TMCC3: variants seen among roughly 807,000 people sequenced by gnomAD.
TMCC3 encodes transmembrane and coiled-coil domain family 3, also known as transmembrane and coiled-coil domain protein 3.
In TMCC3, 28 loss-of-function variants were observed where a neutral mutation model predicts 40.2. The observed-to-expected ratio is 0.70, with a 90% CI of 0.52 to 0.95. The LOEUF is 0.95. TMCC3 is among the 40% of genes least tolerant of loss of function. TMCC3 has a pLI of 0.00. For synonymous variants in TMCC3, 255 were observed against 248.5 expected (o/e 1.03, Z -0.25); for missense variants, 554 against 615.2 (o/e 0.90, Z 1.05).
chr12:94,650,125 C>A (rs1214029299), intron 1 of TMCC3, among the ~76,000 whole-genome samples: 2 of 152,120 alleles, frequency 1.3e-5, no homozygotes, highest in Non-Finnish European at 2.9e-5. Flanking sequence ...GGGACCTGGG[C>A]GCCGTGAGGG....
At chr12:94,623,590 G>A (rs2068887250) in intron 1 of TMCC3, among the ~76,000 whole-genome samples, 1 of 152,180 alleles carries the variant, frequency 6.6e-6, no homozygotes, top group Non-Finnish European at 1.5e-5. Context: ...AAGAGAGCAC[G>A]GTGTCCATCT....
rs151064246 is a variant in TMCC3 at position 94,582,487 on chromosome 12, C to A, written c.130G>T (p.Gly44Trp). The A allele has an allele frequency of 3.7e-6, 6 of 1,613,614 alleles. No individual in the cohort carries two copies. Among genetic ancestry groups the A allele is most frequent in the Non-Finnish European group, 5.1e-6 (6 of 1,179,988 alleles). ...TLSLPLNIRRGGSDTNLNFDV... is the reference protein window; with the variant it reads ...TLSLPLNIRRWGSDTNLNFDV... ...AAGTTGAGGTTGGTGTCTGACCCCCCTCGGCGTATGTTCAGGGGCAGGCTT... is the reference window on the plus strand; with the variant it reads ...AAGTTGAGGTTGGTGTCTGACCCCCATCGGCGTATGTTCAGGGGCAGGCTT... The change falls in exon 2 of 4, where the codon GGG (glycine) becomes TGG (tryptophan). Residue 44 changes from glycine to tryptophan, a missense_variant. By Grantham distance (184) the Gly-to-Trp change is radical. Coordinates refer to ENST00000261226, the MANE Select transcript of TMCC3 (RefSeq NM_020698.4).
chr12:94,625,936 G>A lies in TMCC3; in HGVS notation c.78+24417C>T, dbSNP rs141146463. ...CCTCAGAATGTTGATAAAATCTGCT[G>A]TATTAGTCTGTTCTCACACTGCTAT... On this transcript the variant is annotated intron_variant, in intron 1 of 3. Transcript: ENST00000261226. Among the ~76,000 whole-genome samples the A allele has an allele frequency of 9.7e-4, 147 of 152,314 alleles. 1 individual carries two copies. Among genetic ancestry groups the A allele is most frequent in the African/African-American group, 3.5e-3 (145 of 41,564 alleles).
rs569409741 is a variant in TMCC3 at position 94,571,711 on chromosome 12, G to T, written c.1158C>A (p.Arg386=). Residue 386 remains arginine, a synonymous_variant, in exon 4 of 4, where the codon CGC becomes CGA. Coordinates refer to ENST00000261226, the MANE Select transcript of TMCC3 (RefSeq NM_020698.4). ...IQEALESCQT[R]ISKLELHQQE... is the part of the protein sequence containing the mutation. ...GCTGGTGGAGCTCCAGCTTAGAAAT[G>T]CGAGTCTGGCAGGATTCCAAGGCTT... The T allele has an allele frequency of 1.7e-5, 28 of 1,613,982 alleles. No individual in the cohort carries two copies. Among genetic ancestry groups the T allele is most frequent in the Non-Finnish European group, 2.4e-5 (28 of 1,180,010 alleles).
chr12:94,617,918 T>C (rs1335474719), intron 1 of TMCC3, among the ~76,000 whole-genome samples: 1 of 152,204 alleles, frequency 6.6e-6, no homozygotes, highest in Admixed American at 6.5e-5. Context: ...TAATATTGCA[T>C]AGCCTCTATC....
chr12:94,578,165 A>AAAAAAGAAAG (rs1467855760), intron 3 of TMCC3, among the ~76,000 whole-genome samples: 2 of 123,370 alleles, frequency 1.6e-5, no homozygotes, highest in Non-Finnish European at 3.2e-5. Flanking sequence ...AAAAAAAAAA[A>AAAAAAGAAAG]AAAGAAAAAG....
At chr12:94,574,015 A>G (rs2068548614) in intron 3 of TMCC3, among the ~76,000 whole-genome samples, 1 of 152,234 alleles carries the variant, frequency 6.6e-6, no homozygotes, top group African/African-American at 2.4e-5. Context: ...TCTCCAGCAC[A>G]GAGCCAGCGC....
chr12:94,610,429 CAAA>C (rs550151055), intron 1 of TMCC3, among the ~76,000 whole-genome samples: 3 of 137,112 alleles, frequency 2.2e-5, no homozygotes, highest in African/African-American at 5.5e-5. Context: ...TTAAGGCAGG[CAAA>C]AAAAAAAAAA....
intron 1 of TMCC3, among the ~76,000 whole-genome samples, chr12:94,631,578 C>T (rs2068933646): frequency 6.6e-6 from 1 of 152,190 alleles, no homozygotes; most frequent in Admixed American, 6.5e-5. Context: ...CTGCCAACAC[C>T]TTGATCTCAG....
At chr12:94,649,922 G>A (rs1466028863) in intron 1 of TMCC3, among the ~76,000 whole-genome samples, 1 of 152,182 alleles carries the variant, frequency 6.6e-6, no homozygotes, top group Admixed American at 6.5e-5. Flanking sequence ...CGAGGACAGG[G>A]AGACAGGGCG....
chr12:94,581,524 A>G (rs1218481763), intron 2 of TMCC3, 98 bp downstream of exon 2: 1 of 813,744 alleles, frequency 1.2e-6, no homozygotes, highest in African/African-American at 1.8e-5. Flanking sequence ...TATCCGTGGT[A>G]ATAAAAAAGT....
chr12:94,597,853 C>T (rs2068728242), intron 1 of TMCC3, among the ~76,000 whole-genome samples: 2 of 151,956 alleles, frequency 1.3e-5, no homozygotes, highest in African/African-American at 2.4e-5. Flanking sequence ...TTCTCTAATG[C>T]ACCAGGAAGG....
chr12:94,600,910 C>T (rs774585908), intron 1 of TMCC3, among the ~76,000 whole-genome samples: 4 of 152,212 alleles, frequency 2.6e-5, no homozygotes, highest in Admixed American at 2.0e-4. Context: ...CGCAGTATCA[C>T]TGAGCAGCAA....
chr12:94,648,790 G>A lies in TMCC3; in HGVS notation c.78+1563C>T, dbSNP rs536594804. ...GAGTTGACAATGAGCCATCCATCCC[G>A]CTAAGATTACTAATCTTGTTTACAC... On this transcript the variant is annotated intron_variant, in intron 1 of 3. Coordinates refer to ENST00000261226, the MANE Select transcript of TMCC3 (RefSeq NM_020698.4). 1.8e-4 allele frequency among the ~76,000 whole-genome samples: 28 copies of A among 152,250 alleles called. No individual in the cohort carries two copies. The South Asian group carries it at 5.6e-3, about 30-fold the overall frequency.
chr12:94,644,723 C>T (rs898161209), intron 1 of TMCC3, among the ~76,000 whole-genome samples: 3 of 152,238 alleles, frequency 2.0e-5, no homozygotes, highest in Admixed American at 6.5e-5. Context: ...TACCACTTCA[C>T]CGGGTCAGTG....
chr12:94,648,004 A>G (rs2069029525), intron 1 of TMCC3, among the ~76,000 whole-genome samples: 1 of 152,228 alleles, frequency 6.6e-6, no homozygotes, highest in Non-Finnish European at 1.5e-5. Flanking sequence ...GAAGTCCAGC[A>G]TCACTGTAGT....
intron 1 of TMCC3, among the ~76,000 whole-genome samples, chr12:94,635,992 T>C (rs1394681708): frequency 6.8e-6 from 1 of 147,642 alleles, no homozygotes; most frequent in Non-Finnish European, 1.5e-5. Context: ...TTCAAATCCC[T>C]GAGGGGAGAG....
rs756186535 is a variant in TMCC3 at position 94,578,398 on chromosome 12, A to G, written c.1127T>C (p.Ile376Thr). ...TAATCACAAAGGGAAAGGTACCTGGATGTCCCGCGAGCGCTCGTAGGCCTG... is the reference window on the plus strand; with the variant it reads ...TAATCACAAAGGGAAAGGTACCTGGGTGTCCCGCGAGCGCTCGTAGGCCTG... ...AYQAYERSRDIQEALESCQTR... is the reference protein window; with the variant it reads ...AYQAYERSRDTQEALESCQTR... Residue 376 changes from isoleucine (I) to threonine (T), a missense_variant, in exon 3 of 4, where the codon ATC becomes ACC. Coordinates refer to ENST00000261226, the MANE Select transcript of TMCC3 (RefSeq NM_020698.4). The G allele has an allele frequency of 3.7e-6, 6 of 1,613,576 alleles. No homozygotes were observed. The highest frequency in any genetic ancestry group is 1.6e-4 in the Middle Eastern group (1 of 6,078).
intron 1 of TMCC3, among the ~76,000 whole-genome samples, chr12:94,612,289 G>A (rs369955243): frequency 7.9e-5 from 12 of 151,684 alleles, no homozygotes; most frequent in African/African-American, 2.2e-4. Context: ...ATGAGCCAGC[G>A]TGCCCAAATG....
Sources: allele counts gnomAD v4.1 joint callset (sites outside exome capture counted in the v4.1 genomes callset), GRCh38; gene constraint gnomAD v4.1.1; transcripts MANE v1.5; gene names NCBI Gene and HGNC (gene_info 2026-07-23, HGNC 2026-07-21).